Variants in PIWIL1 observed in about 807,000 individuals in gnomAD.
The protein encoded by PIWIL1 is piwi-like protein 1.
Under a neutral mutation model 114.4 loss-of-function variants are expected in PIWIL1, and 73 were observed. That is an observed-to-expected ratio of 0.64 (90% CI 0.53 to 0.78). The LOEUF (loss-of-function observed/expected upper bound fraction) is 0.78. Among genes scored for constraint, PIWIL1 ranks in the 30% least tolerant of loss-of-function variants. The pLI, the probability that PIWIL1 is intolerant of heterozygous loss-of-function variation, is 0.00. For synonymous variants in PIWIL1, 375 were observed against 369.0 expected (o/e 1.02, Z -0.19); for missense variants, 723 against 1,063.1 (o/e 0.68, Z 4.45).
chr12:130,389,536 T>C, the PIWIL1 span, among the ~76,000 whole-genome samples: 5 of 152,150 alleles, frequency 3.3e-5, no homozygotes, highest in Non-Finnish European at 5.9e-5. Flanking sequence ...CAGGCATTTG[T>C]CTATTTTTTT....
At chr12:130,379,484 G>C in the PIWIL1 span, among the ~76,000 whole-genome samples, 134 of 61,228 alleles carry the variant, frequency 2.2e-3, 1 homozygote, top group African/African-American at 0.011. Flanking sequence ...CCTCATCCCA[G>C]TTCCCATCCA....
the PIWIL1 span, chr12:130,399,667 A>G: frequency 1.2e-6 from 2 of 1,613,986 alleles, no homozygotes; most frequent in East Asian, 4.5e-5. Flanking sequence ...AAGGCTAAAT[A>G]GGTTTGCTTA....
At chr12:130,343,923 G>A (rs1307382708) in intron 3 of PIWIL1, among the ~76,000 whole-genome samples, 2 of 152,082 alleles carry the variant, frequency 1.3e-5, no homozygotes, top group African/African-American at 2.4e-5. Context: ...CACCGCACCC[G>A]GCCCATTGAA....
At chr12:130,414,341 G>A in the PIWIL1 span, 2 of 1,544,188 alleles carry the variant, frequency 1.3e-6, no homozygotes, top group Non-Finnish European at 1.7e-6. Flanking sequence ...CAGAGCGGCA[G>A]TGAGCCTAAC....
downstream of PIWIL1, among the ~76,000 whole-genome samples, chr12:130,375,318 A>T (rs1456555983): frequency 6.6e-6 from 1 of 152,226 alleles, no homozygotes; most frequent in African/African-American, 2.4e-5. Flanking sequence ...CATGATCACA[A>T]GCAGGTATTT....
the PIWIL1 span, chr12:130,412,849 C>T: frequency 6.2e-6 from 9 of 1,461,770 alleles, no homozygotes; most frequent in Non-Finnish European, 7.5e-6. Context: ...ATACAATAGT[C>T]CCACTGACGG....
the PIWIL1 span, chr12:130,426,041 T>A: frequency 6.6e-6 from 1 of 152,272 alleles, no homozygotes; most frequent in South Asian, 2.1e-4. Context: ...AATAAGGACA[T>A]CGAAAACAAA....
chr12:130,347,101 A>G (rs2073090480), intron 6 of PIWIL1, 39 bp downstream of exon 6: 2 of 1,438,630 alleles, frequency 1.4e-6, no homozygotes, highest in Non-Finnish European at 1.9e-6. Flanking sequence ...AGAAAACAGC[A>G]AAGTTGAAAT....
Position 130,337,917 on chromosome 12 carries a change from G to T in PIWIL1, c.-242G>T, listed in dbSNP as rs918835678. On this transcript the variant is annotated 5_prime_UTR_variant, in exon 1 of 21. Transcript: ENST00000245255. ...TGGGCGTATGGCGTACAGACACGAG[G>T]CCGGCGCCCGGGAGGCGGTGTTCAT... 50 of 161,114 alleles carry T rather than the reference G, an allele frequency of 3.1e-4. No individual in the cohort carries two copies. The highest frequency in any genetic ancestry group is 6.3e-4 in the Non-Finnish European group (47 of 74,270). The allele number at this position is 161,114 out of a possible 1,614,324, so 10.0% of individuals were successfully genotyped here. A position where few individuals can be genotyped will look rare whatever the true frequency, so the allele number is the denominator to read the frequency against.
At chr12:130,402,358 G>A in the PIWIL1 span, among the ~76,000 whole-genome samples, 263 of 152,132 alleles carry the variant, frequency 1.7e-3, 2 homozygotes, top group African/African-American at 6.1e-3. Context: ...TCCCCCAGAC[G>A]ACATTCTCTG....
chr12:130,404,458 C>T, the PIWIL1 span, among the ~76,000 whole-genome samples: 3 of 152,110 alleles, frequency 2.0e-5, no homozygotes, highest in Admixed American at 6.5e-5. Context: ...CCACCACGCC[C>T]GGCTAATTCT....
intron 6 of PIWIL1, 32 bp downstream of exon 6, chr12:130,347,094 A>G: frequency 6.7e-7 from 1 of 1,483,910 alleles, no homozygotes. Context: ...TTTATTAAGA[A>G]AACAGCAAAG....
the PIWIL1 span, chr12:130,414,358 G>T: frequency 6.7e-7 from 1 of 1,500,336 alleles, no homozygotes; most frequent in South Asian, 1.3e-5. Context: ...TAACTGAGGA[G>T]CGTGCACGGG....
At chr12:130,388,850 G>A in the PIWIL1 span, among the ~76,000 whole-genome samples, 4 of 151,926 alleles carry the variant, frequency 2.6e-5, no homozygotes, top group Admixed American at 2.6e-4. Context: ...TTTCTATGTA[G>A]GCAGTTGTAT....
At chr12:130,349,784 G>C (rs911267007) in intron 8 of PIWIL1, 72 bp from the exon 9 acceptor site, 12 of 874,828 alleles carry the variant, frequency 1.4e-5, no homozygotes, top group Non-Finnish European at 1.8e-5. Context: ...AATACATGCT[G>C]TCTAGTCTCT....
At chr12:130,412,497 A>G in the PIWIL1 span, 4 of 925,136 alleles carry the variant, frequency 4.3e-6, no homozygotes, top group African/African-American at 6.6e-5. Flanking sequence ...CAACATTTAC[A>G]TGACTTTGGC....
the PIWIL1 span, among the ~76,000 whole-genome samples, chr12:130,401,290 A>G: frequency 2.0e-5 from 3 of 151,806 alleles, no homozygotes; most frequent in Non-Finnish European, 4.4e-5. Context: ...TAATTTTTGT[A>G]TTTTTAGTAG....
chr12:130,405,084 A>G, the PIWIL1 span, among the ~76,000 whole-genome samples: 1 of 152,222 alleles, frequency 6.6e-6, no homozygotes, highest in South Asian at 2.1e-4. Flanking sequence ...AAACAAAATG[A>G]GGTGATTATT....
the PIWIL1 span, among the ~76,000 whole-genome samples, chr12:130,390,918 T>A: frequency 6.6e-6 from 1 of 152,162 alleles, no homozygotes; most frequent in Non-Finnish European, 1.5e-5. Context: ...CCTGCACAAC[T>A]TACCTGGTCC....
Sources: allele counts gnomAD v4.1 joint callset (sites outside exome capture counted in the v4.1 genomes callset), GRCh38; gene constraint gnomAD v4.1.1; transcripts MANE v1.5; gene names NCBI Gene and HGNC (gene_info 2026-07-23, HGNC 2026-07-21).